Variants in RIPK4 observed in about 807,000 individuals in gnomAD.
RIPK4 encodes the protein receptor interacting serine/threonine kinase 4, also known as receptor-interacting serine/threonine-protein kinase 4.
Under a neutral mutation model 42.9 loss-of-function variants are expected in RIPK4, and 17 were observed. The ratio of observed to expected loss-of-function variants is 0.40; its 90% confidence interval spans 0.27 to 0.59. The LOEUF (loss-of-function observed/expected upper bound fraction) is 0.59, where lower values mean the gene tolerates loss of function less well. RIPK4 is among the 20% of genes least tolerant of loss of function. The pLI, the probability that RIPK4 is intolerant of heterozygous loss-of-function variation, is 0.47. For missense variants in RIPK4, 897 were observed against 1,104.4 expected (o/e 0.81, Z 2.66); for synonymous variants, 498 against 499.1 (o/e 1.00, Z 0.03).
chr21:41,766,821 G>A (rs2061238666), intron 1 of RIPK4, 39 bp downstream of exon 1: 2 of 1,579,030 alleles, frequency 1.3e-6, no homozygotes, highest in Non-Finnish European at 8.6e-7. Flanking sequence ...ACCCCAGCCC[G>A]GGCCCCAGCC....
intron 1 of RIPK4, 85 bp downstream of exon 1, chr21:41,766,775 G>A (rs2061238438): frequency 1.4e-6 from 2 of 1,397,628 alleles, no homozygotes; most frequent in Non-Finnish European, 1.9e-6. Context: ...TCGGGAGAGA[G>A]AGGCAGGACC....
chr21:41,740,536 T>C lies in RIPK4; in HGVS notation c.*302A>G, dbSNP rs2061149249. On this transcript the variant is annotated 3_prime_UTR_variant, in exon 8 of 8. Transcript: ENST00000332512. ...GGATGCTTCCACGCCTGGGGCTTCA[T>C]CACTGAGAGACCAGCCTCAGCGACC... 26 of 383,908 alleles carry C rather than the reference T, an allele frequency of 6.8e-5. 1 individual carries two copies. In the South Asian group the frequency reaches 1.3e-3, roughly 19 times the overall value. The allele number at this position is 383,908 out of a possible 1,614,324, so 23.8% of individuals were successfully genotyped here.
rs775167583 is a variant in RIPK4, at chr21:41,740,944, G to A, written c.2249C>T (p.Thr750Met). 26 of 1,612,404 alleles carry A rather than the reference G, an allele frequency of 1.6e-5. No homozygotes were observed. The highest frequency in any genetic ancestry group is 8.0e-5 in the African/African-American group (6 of 74,938). Residue 750 changes from threonine to methionine, a missense_variant, in exon 8 of 8, where the codon ACG becomes ATG. Coordinates refer to ENST00000332512, the MANE Select transcript of RIPK4 (RefSeq NM_020639.3). ...HLAAQGRHAQTVETLLRHGAH... is the reference protein window; with the variant it reads ...HLAAQGRHAQMVETLLRHGAH... ...CCCATGCCTGAGCAGAGTCTCCACC[G>A]TCTGTGCGTGCCGGCCCTGGGCGGC...
In RIPK4 at chr21:41,741,212, C is replaced by A. The variant is rs751402843; in HGVS notation, c.1981G>T (p.Ala661Ser). The A allele has an allele frequency of 6.2e-7, 1 of 1,608,964 alleles. No individual in the cohort carries two copies. The highest frequency in any genetic ancestry group is 8.5e-7 in the Non-Finnish European group (1 of 1,178,050). Residue 661 changes from alanine to serine, a missense_variant, in exon 8 of 8, where the codon GCT becomes TCT. Coordinates refer to ENST00000332512, the MANE Select transcript of RIPK4 (RefSeq NM_020639.3). The stretch of plus-strand genomic sequence containing the variant: ...TCTGAGGTCATGGCCTCCTTGCCAG[C>A]GCCCCGATGCAGGAGCAGCCTGGCA... ...STARLLLHRG[A>S]GKEAMTSDGY...
Position 41,742,028 on chromosome 21 carries a change from C to T in RIPK4, c.1196-31G>A, listed in dbSNP as rs769619710. On this transcript the variant is annotated intron_variant, in intron 7 of 7. Transcript: ENST00000332512. The surrounding 1 kb of genome is among the most constrained non-coding windows in gnomAD (Gnocchi z 5.1). ...GGGAGAGGAGAGGCAAAGGTCAGAG[C>T]GTGGCTGCACATCCAGGGACGTGGC... 34 of 1,538,970 alleles carry T rather than the reference C, an allele frequency of 2.2e-5. No individual in the cohort carries two copies. The highest frequency in any genetic ancestry group is 2.7e-5 in the Non-Finnish European group (31 of 1,140,346).
In RIPK4 at chr21:41,742,148, G is replaced by C. The variant is rs892054107; in HGVS notation, c.1196-151C>G. ...CCGACTGTGTTTGAGCGTTGTCTGT[G>C]CCTCGTGATTAAGGTCAGTCCTAGC... is the stretch of plus-strand genomic sequence containing the variant. On this transcript the variant is annotated intron_variant, in intron 7 of 7. Transcript: ENST00000332512. This position sits in a 1 kb window ranked among gnomAD's most constrained non-coding sequence, Gnocchi z 5.1. 1.4e-6 allele frequency: 1 copy of C among 732,424 alleles called. No individual in the cohort carries two copies. The highest frequency in any genetic ancestry group is 2.3e-6 in the Non-Finnish European group (1 of 443,766). The allele number at this position is 732,424 out of a possible 1,614,324, so 45.4% of individuals were successfully genotyped here.
At position 41,740,576 on chromosome 21, in the gene RIPK4, C is replaced by T. The variant is rs191920376; in HGVS notation, c.*262G>A. 40 of 493,724 alleles carry T rather than the reference C, an allele frequency of 8.1e-5. No homozygotes were observed. The highest frequency in any genetic ancestry group is 5.2e-4 in the Middle Eastern group (1 of 1,940). The allele number at this position is 493,724 out of a possible 1,614,324, so 30.6% of individuals were successfully genotyped here. Reference sequence around the variant, plus strand: ...CCTCAGCGACCCATTAGGAGCACAACGAAATGATTCTGACCCACGGTCCCT... The same window carrying T: ...CCTCAGCGACCCATTAGGAGCACAATGAAATGATTCTGACCCACGGTCCCT... On this transcript the variant is annotated 3_prime_UTR_variant, in exon 8 of 8. Transcript: ENST00000332512.
chr21:41,764,476 A>G (rs2061230367), intron 1 of RIPK4, among the ~76,000 whole-genome samples: 1 of 151,908 alleles, frequency 6.6e-6, no homozygotes, highest in Non-Finnish European at 1.5e-5. Context: ...CCGAGAAGAG[A>G]AGCAAGACTT....
rs144986691 is a variant in RIPK4, at chr21:41,755,868, C to A, written c.474+657G>T. On this transcript the variant is annotated intron_variant, in intron 2 of 7. Transcript: ENST00000332512. The surrounding 1 kb of genome is among the most constrained non-coding windows in gnomAD (Gnocchi z 4.2). ...TGATGCAAAGGTGATGATGCTAACA[C>A]CTGCCAAGGCCCAGAGGCAACACTG... is the stretch of plus-strand genomic sequence containing the variant. 6.6e-6 allele frequency among the ~76,000 whole-genome samples: 1 copy of A among 152,240 alleles called. No individual in the cohort carries two copies. Among genetic ancestry groups the A allele is most frequent in the Admixed American group, 6.5e-5 (1 of 15,290 alleles).
At chr21:41,747,193 C>T (rs34811382) in intron 4 of RIPK4, among the ~76,000 whole-genome samples, 4,654 of 152,302 alleles carry the variant, frequency 0.031, 119 homozygotes, top group Middle Eastern at 0.044. Context: ...CCACAGAGAC[C>T]CAACTCTCTC....
intron 1 of RIPK4, among the ~76,000 whole-genome samples, chr21:41,760,128 G>C (rs551323910): frequency 6.6e-6 from 1 of 152,354 alleles, no homozygotes; most frequent in South Asian, 2.1e-4. Flanking sequence ...AGCCCCAAAT[G>C]CCAACGGTGC....
rs1388302378 is a variant in RIPK4 at position 41,739,846 on chromosome 21, T to C, written c.*992A>G. On this transcript the variant is annotated 3_prime_UTR_variant, in exon 8 of 8. Coordinates refer to ENST00000332512, the MANE Select transcript of RIPK4 (RefSeq NM_020639.3). Reference sequence around the variant, plus strand: ...CAAATCACCTAACAAAAATGAGAGCTGGGAAGGGCGCAGGTGAGCAGTGCA... The same window carrying C: ...CAAATCACCTAACAAAAATGAGAGCCGGGAAGGGCGCAGGTGAGCAGTGCA... The C allele has an allele frequency of 6.6e-6, 1 of 152,294 alleles. No individual in the cohort carries two copies. Among genetic ancestry groups the C allele is most frequent in the African/African-American group, 2.4e-5 (1 of 41,468 alleles). The allele number at this position is 152,294 out of a possible 1,614,324, so 9.4% of individuals were successfully genotyped here.
intron 5 of RIPK4, among the ~76,000 whole-genome samples, chr21:41,746,411 G>T (rs1412744300): frequency 6.6e-6 from 1 of 152,256 alleles, no homozygotes; most frequent in Admixed American, 6.5e-5. Context: ...AGGCAACTCA[G>T]TTCCAGCTGC....
rs763483486 is a variant in RIPK4 at position 41,741,112 on chromosome 21, G to A, written c.2081C>T (p.Ala694Val). The A allele has an allele frequency of 9.3e-6, 15 of 1,612,468 alleles. No homozygotes were observed. Among genetic ancestry groups the A allele is most frequent in the Admixed American group, 1.7e-5 (1 of 59,996 alleles). Reference sequence around the variant, plus strand: ...CAGGGGTCCCCGGGCCAGCACATCGGCCTTCTCCTCGACAAGCAGCTTGAC... The same window carrying A: ...CAGGGGTCCCCGGGCCAGCACATCGACCTTCTCCTCGACAAGCAGCTTGAC... ...ATVKLLVEEK[A>V]DVLARGPLNQ... The change falls in exon 8 of 8, where the codon GCC (alanine) becomes GTC (valine). Residue 694 changes from alanine (A) to valine (V), a missense_variant. Ala to Val is a moderately conservative substitution (Grantham distance 64). Transcript: ENST00000332512.
chr21:41,754,890 G>A (rs914158831), intron 2 of RIPK4, among the ~76,000 whole-genome samples: 1 of 152,224 alleles, frequency 6.6e-6, no homozygotes, highest in African/African-American at 2.4e-5. Flanking sequence ...ACAGCTGGAC[G>A]ATCCTGGCTG....
intron 2 of RIPK4, among the ~76,000 whole-genome samples, chr21:41,754,691 GCC>G (rs2061197854): frequency 1.3e-5 from 2 of 152,178 alleles, no homozygotes; most frequent in African/African-American, 2.4e-5. Context: ...GGGCAGAAAA[GCC>G]CCACCCTGTG....
In RIPK4 at chr21:41,756,560, C is replaced by T; in HGVS notation, c.439G>A (p.Ala147Thr). 18 of 1,613,696 alleles carry T rather than the reference C, an allele frequency of 1.1e-5. No individual in the cohort carries two copies. The highest frequency in any genetic ancestry group is 2.2e-5 in the East Asian group (1 of 44,884). ...PPLLHLDLKP[A>T]NILLDAHYHV... The stretch of plus-strand genomic sequence containing the variant: ...TAGTGGGCATCCAGCAGGATGTTCG[C>T]GGGCTTGAGGTCCAGGTGCAGGAGT... The change falls in exon 2 of 8, where the codon GCG (alanine) becomes ACG (threonine). Residue 147 changes from alanine to threonine, a missense_variant. Physicochemically the swap from Ala to Thr is moderately conservative, Grantham distance 58. Coordinates refer to ENST00000332512, the MANE Select transcript of RIPK4 (RefSeq NM_020639.3).
chr21:41,751,454 G>A lies in RIPK4; in HGVS notation c.475-209C>T, dbSNP rs561290836. ...GCAGAAGCAAGCCTGGAGGCATTAG[G>A]AGCAGCACATTTGACGGGCAGGTGA... On this transcript the variant is annotated intron_variant, in intron 2 of 7. Transcript: ENST00000332512. The surrounding 1 kb of genome is among the most constrained non-coding windows in gnomAD (Gnocchi z 4.5). Among the ~76,000 whole-genome samples the A allele has an allele frequency of 9.2e-5, 14 of 152,360 alleles. No homozygotes were observed. In the South Asian group the frequency reaches 1.0e-3, roughly 11 times the overall value.
intron 1 of RIPK4, among the ~76,000 whole-genome samples, chr21:41,758,274 T>C (rs2061211239): frequency 6.6e-6 from 1 of 151,916 alleles, no homozygotes; most frequent in South Asian, 2.1e-4. Flanking sequence ...CTCAGTAACC[T>C]CTTTTCTACA....
Sources: allele counts gnomAD v4.1 joint callset (sites outside exome capture counted in the v4.1 genomes callset), GRCh38; gene constraint gnomAD v4.1.1; non-coding constraint Gnocchi (gnomAD v3.1); transcripts MANE v1.5; gene names NCBI Gene and HGNC (gene_info 2026-07-23, HGNC 2026-07-21).